DHX30: variants seen among roughly 807,000 people sequenced by gnomAD.
The protein encoded by DHX30 is DExH-box helicase 30.
Under a neutral mutation model 116.9 loss-of-function variants are expected in DHX30, and 4 were observed. The ratio of observed to expected loss-of-function variants is 0.03; its 90% CI spans 0.02 to 0.08. DHX30 has a LOEUF of 0.08. DHX30 is among the 10% of genes least tolerant of loss of function. The probability of loss-of-function intolerance (pLI) is 1.00; values close to 1 mark genes in which losing one functional copy is unlikely to be tolerated. For synonymous variants in DHX30, 697 were observed against 651.7 expected, an observed-to-expected ratio of 1.07 and a Z score of -1.06; for missense variants, 871 against 1,595.1, an observed-to-expected ratio of 0.55 and a Z score of 7.73.
chr3:47,847,194 CACTG>C lies in DHX30; in HGVS notation c.1930-77_1930-74del. 6.3e-7 allele frequency: 1 copy of C among 1,581,944 alleles called. No homozygotes were observed. The highest frequency in any genetic ancestry group is 1.7e-4 in the Middle Eastern group (1 of 6,006). ...GAGTTGATGTCAAGCGGCTCCGTCT[CACTG>C]AGTCAGGTGGCTGTGTCCTTGGCAT... is the stretch of plus-strand genomic sequence containing the variant. On this transcript the variant is annotated intron_variant, in intron 11 of 21. Coordinates refer to ENST00000445061, the MANE Select transcript of DHX30 (RefSeq NM_138615.3). This position sits in a 1 kb window ranked among gnomAD's most constrained non-coding sequence, Gnocchi z 5.5.
Position 47,829,107 on chromosome 3 carries a change from T to C in DHX30, c.339T>C (p.Ala113=), listed in dbSNP as rs766005533. ...GSKKIDAERQ[A]AAAACQLFKG... ...AGAAGATCGATGCTGAGCGGCAGGC[T>C]GCAGCTGCAGCCTGCCAGCTGTTCA... The change falls in exon 6 of 22, where the codon GCT becomes GCC. Residue 113 remains alanine (A), a synonymous_variant. Transcript: ENST00000445061. 1 of 1,592,678 alleles carries C rather than the reference T, an allele frequency of 6.3e-7. No homozygotes were observed. Among genetic ancestry groups the C allele is most frequent in the Non-Finnish European group, 8.5e-7 (1 of 1,172,210 alleles).
In DHX30 at chr3:47,847,759, T is replaced by C; in HGVS notation, c.2111-22T>C. 6.2e-7 allele frequency: 1 copy of C among 1,603,876 alleles called. No individual in the cohort carries two copies. Among genetic ancestry groups the C allele is most frequent in the Non-Finnish European group, 8.5e-7 (1 of 1,175,732 alleles). ...TTCTGGTGGAAGCAGTGCCCATAAC[T>C]GGTGTGTGTCTTGCCCACCAGTGCA... On this transcript the variant is annotated intron_variant, in intron 13 of 21. Coordinates refer to ENST00000445061, the MANE Select transcript of DHX30 (RefSeq NM_138615.3). This position sits in a 1 kb window ranked among gnomAD's most constrained non-coding sequence, Gnocchi z 5.5.
At chr3:47,831,057 C>G (rs1236083414) in intron 6 of DHX30, 2 of 151,636 alleles carry the variant, frequency 1.3e-5, no homozygotes, top group African/African-American at 4.9e-5. Flanking sequence ...GTACCCATCT[C>G]TTTTCTCTGT....
intron 4 of DHX30, among the ~76,000 whole-genome samples, chr3:47,825,569 C>T (rs1199494604): frequency 6.6e-6 from 1 of 152,172 alleles, no homozygotes; most frequent in Non-Finnish European, 1.5e-5. Context: ...ACAAGCATGC[C>T]CTCACCAGTG....
At chr3:47,842,997 C>A in intron 8 of DHX30, 109 bp from the exon 9 acceptor site, 1 of 1,390,874 alleles carries the variant, frequency 7.2e-7, no homozygotes, top group South Asian at 1.3e-5. Context: ...CTGGCACCTG[C>A]TGAGATGGTG....
In DHX30 at chr3:47,849,568, G is replaced by A; in HGVS notation, c.3191+14G>A. On this transcript the variant is annotated intron_variant, in intron 20 of 21. Coordinates refer to ENST00000445061, the MANE Select transcript of DHX30 (RefSeq NM_138615.3). ...GACCATTAACAGGTGAGGGCATGCA[G>A]GCCTGGATGGGGCAGCTGGGATGGT... is the stretch of plus-strand genomic sequence containing the variant. 6.2e-7 allele frequency: 1 copy of A among 1,613,642 alleles called. No homozygotes were observed. Among genetic ancestry groups the A allele is most frequent in the Non-Finnish European group, 8.5e-7 (1 of 1,179,580 alleles).
chr3:47,825,218 C>A, intron 4 of DHX30: 1 of 638,644 alleles, frequency 1.6e-6, no homozygotes, highest in Non-Finnish European at 2.8e-6. Context: ...CCCGGCGGGC[C>A]TGGGGAAGGC....
chr3:47,813,006 C>A (rs969597909), intron 3 of DHX30, among the ~76,000 whole-genome samples: 1 of 150,766 alleles, frequency 6.6e-6, no homozygotes, highest in Non-Finnish European at 1.5e-5. Context: ...AATATCCACA[C>A]TATATCAAAG....
chr3:47,846,382 A>G lies in DHX30; in HGVS notation c.1310A>G (p.Asp437Gly). Reference sequence around the variant, plus strand: ...CAGGAGGCCCCCCAGCTACCTGTGGACCCACATCGGGACACCATCCTCAAC... The same window carrying G: ...CAGGAGGCCCCCCAGCTACCTGTGGGCCCACATCGGGACACCATCCTCAAC... The part of the protein sequence containing the change: ...VWQEAPQLPV[D>G]PHRDTILNAI... Residue 437 changes from aspartate (D) to glycine (G), a missense_variant, in exon 11 of 22, where the codon GAC (aspartate) becomes GGC (glycine). This residue lies in a region of DHX30 where 175 missense variants were observed against 292.9 expected (regional missense o/e 0.60). Coordinates refer to ENST00000445061, the MANE Select transcript of DHX30 (RefSeq NM_138615.3). The G allele has an allele frequency of 6.2e-7, 1 of 1,614,018 alleles. No homozygotes were observed. Among genetic ancestry groups the G allele is most frequent in the Non-Finnish European group, 8.5e-7 (1 of 1,180,022 alleles).
intron 4 of DHX30, chr3:47,825,274 T>G (rs1276476249): frequency 1.8e-6 from 1 of 563,092 alleles, no homozygotes; most frequent in Non-Finnish European, 3.1e-6. Flanking sequence ...GGGCGGGCGG[T>G]CCGCAGCGCC....
chr3:47,808,118 C>T (rs549340997), intron 2 of DHX30, among the ~76,000 whole-genome samples: 1 of 152,078 alleles, frequency 6.6e-6, no homozygotes, highest in Non-Finnish European at 1.5e-5. Context: ...GCATGTTGGT[C>T]AGGCTGGTCT....
chr3:47,809,672 C>A (rs2035702862), intron 2 of DHX30, among the ~76,000 whole-genome samples: 1 of 152,100 alleles, frequency 6.6e-6, no homozygotes, highest in South Asian at 2.1e-4. Context: ...CAGGGCAGAC[C>A]TGCTATGGAC....
chr3:47,815,773 G>A (rs969491635), intron 3 of DHX30, among the ~76,000 whole-genome samples: 5 of 123,570 alleles, frequency 4.0e-5, no homozygotes, highest in African/African-American at 1.2e-4. Flanking sequence ...GTCTTTCACA[G>A]CCAGCACAAA....
At chr3:47,834,037 C>T (rs1388065027) in intron 6 of DHX30, among the ~76,000 whole-genome samples, 1 of 152,126 alleles carries the variant, frequency 6.6e-6, no homozygotes, top group Non-Finnish European at 1.5e-5. Flanking sequence ...CTGGTAACTA[C>T]CAGGTCTACT....
chr3:47,818,170 G>T, intron 4 of DHX30, 53 bp downstream of exon 4: 2 of 750,308 alleles, frequency 2.7e-6, no homozygotes, highest in Non-Finnish European at 2.5e-6. Context: ...TCTGTGGGGA[G>T]GTGGGTGGCA....
Position 47,848,064 on chromosome 3 carries a change from C to A in DHX30, c.2286+108C>A. The A allele has an allele frequency of 6.3e-7, 1 of 1,579,908 alleles. No homozygotes were observed. The highest frequency in any genetic ancestry group is 8.6e-7 in the Non-Finnish European group (1 of 1,156,526). Reference sequence around the variant, plus strand: ...ACCTGCTTTGTGTGTCTTCAGAAGGCCGCGCTTGTGGGGTCTCAGTGTTCC... The same window carrying A: ...ACCTGCTTTGTGTGTCTTCAGAAGGACGCGCTTGTGGGGTCTCAGTGTTCC... On this transcript the variant is annotated intron_variant, in intron 14 of 21. Transcript: ENST00000445061. This position sits in a 1 kb window ranked among gnomAD's most constrained non-coding sequence, Gnocchi z 9.4.
At position 47,845,786 on chromosome 3, in the gene DHX30, G is replaced by T; in HGVS notation, c.1026G>T (p.Gln342His). ...LASLRELGETQRRPCTIQVPE... is the reference protein window; with the variant it reads ...LASLRELGETHRRPCTIQVPE... ...CTTTGCGTGAGCTGGGTGAGACCCA[G>T]CGCCGACCATGCACCATCCAGGTGC... Residue 342 changes from glutamine to histidine, a missense_variant, in exon 10 of 22, where the codon CAG becomes CAT. By Grantham distance (24) the Gln-to-His change is conservative. Coordinates refer to ENST00000445061, the MANE Select transcript of DHX30 (RefSeq NM_138615.3). The T allele has an allele frequency of 6.2e-7, 1 of 1,612,804 alleles. No homozygotes were observed. Among genetic ancestry groups the T allele is most frequent in the South Asian group, 1.1e-5 (1 of 91,042 alleles).
chr3:47,826,531 C>T (rs370455740), intron 4 of DHX30, among the ~76,000 whole-genome samples: 7 of 151,786 alleles, frequency 4.6e-5, no homozygotes, highest in African/African-American at 9.7e-5. Flanking sequence ...CTACAACCTC[C>T]GCCTCCCGGG....
chr3:47,839,013 A>G (rs2037243849), intron 6 of DHX30, among the ~76,000 whole-genome samples: 1 of 151,910 alleles, frequency 6.6e-6, no homozygotes, highest in Admixed American at 6.6e-5. Context: ...CTCTGGGACT[A>G]CAGGCACATA....
Sources: allele counts gnomAD v4.1 joint callset (sites outside exome capture counted in the v4.1 genomes callset), GRCh38; gene constraint gnomAD v4.1.1; regional missense constraint gnomAD v4.1.1; non-coding constraint Gnocchi (gnomAD v3.1); transcripts MANE v1.5; gene names NCBI Gene and HGNC (gene_info 2026-07-23, HGNC 2026-07-21).